EPB42: variants seen among roughly 807,000 people sequenced by gnomAD.
The protein encoded by EPB42 is erythrocyte membrane protein band 4.2.
A neutral mutation model predicts 76.9 loss-of-function variants in EPB42; 49 were observed. That is an observed-to-expected ratio of 0.64 (90% CI 0.51 to 0.81). The LOEUF is 0.81. EPB42 is among the 30% of genes least tolerant of loss of function. EPB42 has a pLI of 0.00. For synonymous variants in EPB42, 310 were observed against 338.4 expected (o/e 0.92, Z 0.92); for missense variants, 731 against 867.6 (o/e 0.84, Z 1.98).
chr15:43,224,191 G>A (rs184612827), upstream of EPB42, among the ~76,000 whole-genome samples: 7 of 152,236 alleles, frequency 4.6e-5, no homozygotes, highest in South Asian at 2.1e-4. Flanking sequence ...GTGTCCACGC[G>A]GAAAGAGAAA....
intron 8 of EPB42, 106 bp from the exon 9 acceptor site, chr15:43,207,547 G>A (rs982662526): frequency 7.3e-5 from 114 of 1,561,568 alleles, no homozygotes; most frequent in Non-Finnish European, 9.3e-5. Flanking sequence ...TTCCCTCCAC[G>A]AGGACCAAGG....
chr15:43,209,801 C>T (rs1353818417), intron 5 of EPB42, among the ~76,000 whole-genome samples: 1 of 152,202 alleles, frequency 6.6e-6, no homozygotes, highest in Non-Finnish European at 1.5e-5. Flanking sequence ...GCCACTTATC[C>T]CAAGCTTCTT....
intron 5 of EPB42, among the ~76,000 whole-genome samples, chr15:43,210,110 T>G (rs1422582024): frequency 6.6e-6 from 1 of 152,230 alleles, no homozygotes; most frequent in African/African-American, 2.4e-5. Flanking sequence ...TCTGCGGGCT[T>G]GCATCCTGAG....
upstream of EPB42, among the ~76,000 whole-genome samples, chr15:43,224,456 T>C (rs539163010): frequency 9.4e-4 from 143 of 152,316 alleles, no homozygotes; most frequent in Middle Eastern, 3.4e-3. Flanking sequence ...GCCTATGGAT[T>C]AGCCATTCTT....
intron 12 of EPB42, among the ~76,000 whole-genome samples, chr15:43,201,599 TCAGGGCAGCAAC>T (rs2042126574): frequency 2.0e-5 from 3 of 152,186 alleles, no homozygotes; most frequent in South Asian, 2.1e-4. Context: ...CCCTGCAGGA[TCAGGGCAGCAAC>T]CAGGGCAGGC....
At chr15:43,210,939 G>A (rs2042286033) in intron 4 of EPB42, among the ~76,000 whole-genome samples, 1 of 152,168 alleles carries the variant, frequency 6.6e-6, no homozygotes, top group African/African-American at 2.4e-5. Context: ...GCAGCACAGT[G>A]GAGAGGCTCC....
chr15:43,203,092 C>T (rs2042149970), intron 11 of EPB42, 23 bp downstream of exon 11: 1 of 1,613,898 alleles, frequency 6.2e-7, no homozygotes, highest in Non-Finnish European at 8.5e-7. Context: ...ACGAGGGCAA[C>T]TCAGGGGAGG....
At chr15:43,210,034 A>C (rs542316747) in intron 5 of EPB42, among the ~76,000 whole-genome samples, 8 of 151,940 alleles carry the variant, frequency 5.3e-5, no homozygotes, top group African/African-American at 1.7e-4. Flanking sequence ...GGCCCTACCC[A>C]CTCCTTCCCA....
intron 3 of EPB42, among the ~76,000 whole-genome samples, chr15:43,212,385 A>G (rs1225863918): frequency 1.9e-4 from 28 of 148,628 alleles, no homozygotes; most frequent in African/African-American, 6.2e-4. Context: ...AAAAAAAAAA[A>G]AGAAAAAAGA....
intron 10 of EPB42, among the ~76,000 whole-genome samples, chr15:43,203,862 G>A (rs142139014): frequency 6.6e-6 from 1 of 152,190 alleles, no homozygotes; most frequent in Non-Finnish European, 1.5e-5. Context: ...TGGTTGTGAG[G>A]GCTAACAAGA....
upstream of EPB42, chr15:43,221,082 T>G: frequency 4.2e-6 from 2 of 480,562 alleles, no homozygotes; most frequent in Non-Finnish European, 7.6e-6. Context: ...TTTTATCTCT[T>G]GTGCCAGGAG....
intron 4 of EPB42, among the ~76,000 whole-genome samples, chr15:43,210,860 G>A (rs573829887): frequency 3.3e-5 from 5 of 152,344 alleles, no homozygotes; most frequent in South Asian, 2.1e-4. Flanking sequence ...AGATGGACAC[G>A]CAGTGCAGCC....
intron 1 of EPB42, among the ~76,000 whole-genome samples, chr15:43,220,561 ACCTCCG>A (rs942725521): frequency 2.0e-5 from 3 of 149,490 alleles, no homozygotes; most frequent in Middle Eastern, 3.4e-3. Flanking sequence ...CATCACCATC[ACCTCCG>A]CCTCCGCCTC....
intron 7 of EPB42, 132 bp from the exon 8 acceptor site, chr15:43,208,465 C>T: frequency 7.1e-7 from 1 of 1,402,326 alleles, no homozygotes; most frequent in Non-Finnish European, 1.0e-6. Context: ...GGCTGTGGCA[C>T]TCCCAGGAAG....
chr15:43,221,405 T>C (rs184532581), upstream of EPB42, among the ~76,000 whole-genome samples: 2 of 152,126 alleles, frequency 1.3e-5, no homozygotes, highest in African/African-American at 4.8e-5. Flanking sequence ...GATAAGGAAG[T>C]AGAATTTGTT....
intron 7 of EPB42, 96 bp from the exon 8 acceptor site, chr15:43,208,429 G>A: frequency 7.0e-7 from 1 of 1,429,190 alleles, no homozygotes. Context: ...TTGTTCCAGT[G>A]GGATGGGAGG....
At chr15:43,203,871 GATGATGCAT>G (rs1417207209) in intron 10 of EPB42, among the ~76,000 whole-genome samples, 1 of 152,178 alleles carries the variant, frequency 6.6e-6, no homozygotes, top group Non-Finnish European at 1.5e-5. Flanking sequence ...GGGCTAACAA[GATGATGCAT>G]ATGATGCATA....
intron 3 of EPB42, among the ~76,000 whole-genome samples, chr15:43,213,846 GC>G (rs920509230): frequency 1.3e-5 from 2 of 152,244 alleles, no homozygotes; most frequent in African/African-American, 4.8e-5. Flanking sequence ...GACAGGTGGG[GC>G]CACCTGAAGT....
rs956676117 is a variant in EPB42 at position 43,220,659 on chromosome 15, C to A, written c.10+157G>T. The A allele has an allele frequency of 7.5e-5, 80 of 1,062,448 alleles. No individual in the cohort carries two copies. In the Admixed American group the frequency reaches 8.9e-4, roughly 12 times the overall value. The allele number at this position is 1,062,448 out of a possible 1,614,324, so 65.8% of individuals were successfully genotyped here. ...GCACCCACCTACCACACCCCCCCCC[C>A]ACAGCCACCTCATTATCACCAGTAC... is the stretch of plus-strand genomic sequence containing the variant. On this transcript the variant is annotated intron_variant, in intron 1 of 12. Coordinates refer to ENST00000441366, the MANE Select transcript of EPB42 (RefSeq NM_001114134.2).
Sources: allele counts gnomAD v4.1 joint callset (sites outside exome capture counted in the v4.1 genomes callset), GRCh38; gene constraint gnomAD v4.1.1; transcripts MANE v1.5; gene names NCBI Gene and HGNC (gene_info 2026-07-23, HGNC 2026-07-21).